Variants in CCDC102B observed in about 807,000 individuals in gnomAD.
CCDC102B encodes coiled-coil domain containing 102B, also known as coiled-coil domain-containing protein 102B.
In CCDC102B, 75 loss-of-function variants were observed where a neutral mutation model predicts 57.4. That is an observed-to-expected ratio of 1.31 (90% CI 1.08 to 1.58). The LOEUF (loss-of-function observed/expected upper bound fraction) is 1.58, where lower values mean the gene tolerates loss of function less well. Among genes scored for constraint, CCDC102B ranks in the 40% most tolerant of loss-of-function variants. CCDC102B has a pLI of 0.00. For missense variants in CCDC102B, 636 were observed against 582.6 expected (o/e 1.09, Z -0.94); for synonymous variants, 206 against 201.9 (o/e 1.02, Z -0.17).
intron 1 of CCDC102B, among the ~76,000 whole-genome samples, chr18:68,830,626 A>G (rs1321442078): frequency 2.0e-5 from 3 of 151,216 alleles, no homozygotes; most frequent in African/African-American, 7.3e-5. Flanking sequence ...TATATATAAT[A>G]TTGTATATTA....
Position 68,836,651 on chromosome 18 carries a change from A to C in CCDC102B, c.-15-98A>C. On this transcript the variant is annotated intron_variant, in intron 1 of 7. Coordinates refer to ENST00000360242, the MANE Select transcript of CCDC102B (RefSeq NM_024781.3). ...AAAATAAAAAAAAAGCATTGTTTTC[A>C]TCAATTTTCAAAAAAAAAAAAAAAA... The C allele has an allele frequency of 3.9e-6, 3 of 765,660 alleles. 1 individual carries two copies. The highest frequency in any genetic ancestry group is 4.0e-4 in the Middle Eastern group (1 of 2,528). 47.4% of individuals were successfully genotyped at this position (765,660 alleles called of 1,614,324 possible). A position where few individuals can be genotyped will look rare whatever the true frequency, so the allele number is the denominator to read the frequency against.
intron 6 of CCDC102B, among the ~76,000 whole-genome samples, chr18:68,938,879 TA>T (rs1304458532): frequency 2.6e-5 from 4 of 151,668 alleles, no homozygotes; most frequent in Admixed American, 1.3e-4. Context: ...GTTTATTTAG[TA>T]AAAGGTTAGG....
intron 1 of CCDC102B, chr18:68,716,400 C>T (rs1410548381): frequency 1.3e-5 from 2 of 152,036 alleles, no homozygotes; most frequent in African/African-American, 2.4e-5. Context: ...ATGTGGACAA[C>T]AACAAAAGCC....
At chr18:68,734,899 T>C (rs979408399) in intron 2 of CCDC102B, 15 of 152,220 alleles carry the variant, frequency 9.9e-5, no homozygotes, top group Non-Finnish European at 1.3e-4. Context: ...CAAAATACTT[T>C]AGGGTTTCAT....
chr18:68,853,927 A>G (rs1393766064), intron 4 of CCDC102B, among the ~76,000 whole-genome samples: 3 of 152,142 alleles, frequency 2.0e-5, no homozygotes, highest in Non-Finnish European at 4.4e-5. Context: ...AGAACTAGAC[A>G]AGAGATGTGC....
chr18:68,780,129 C>A (rs1178375137), intron 2 of CCDC102B, among the ~76,000 whole-genome samples: 1 of 151,970 alleles, frequency 6.6e-6, no homozygotes, highest in East Asian at 1.9e-4. Context: ...TTGTTTTTTT[C>A]ACTGACTTCT....
At chr18:69,011,563 T>C (rs1323672769) in intron 7 of CCDC102B, among the ~76,000 whole-genome samples, 1 of 152,156 alleles carries the variant, frequency 6.6e-6, no homozygotes, top group Non-Finnish European at 1.5e-5. Flanking sequence ...AATAATGGTT[T>C]ATAGAATATT....
At chr18:68,778,749 A>G (rs2034905457) in intron 2 of CCDC102B, among the ~76,000 whole-genome samples, 1 of 152,066 alleles carries the variant, frequency 6.6e-6, no homozygotes, top group Non-Finnish European at 1.5e-5. Context: ...GGGGATAAAA[A>G]GGTGAACAGG....
Position 68,846,358 on chromosome 18 carries a change from T to C in CCDC102B, c.873T>C (p.Ala291=). The part of the protein sequence containing the change: ...LEKEIERLES[A]LSLWKWKYEE... ...AAGAAATAGAGAGACTGGAGTCGGC[T>C]TTGTCTCTGTGGAAGTGGAAGTATG... The change falls in exon 4 of 8, where the codon GCT becomes GCC. Residue 291 remains alanine, a synonymous_variant. Transcript: ENST00000360242. The C allele has an allele frequency of 6.3e-7, 1 of 1,585,710 alleles. No individual in the cohort carries two copies. The highest frequency in any genetic ancestry group is 8.6e-7 in the Non-Finnish European group (1 of 1,168,038).
Position 68,874,800 on chromosome 18 carries a change from A to G in CCDC102B, c.1053+15A>G. 3 of 1,396,386 alleles carry G rather than the reference A, an allele frequency of 2.1e-6. No homozygotes were observed. Among genetic ancestry groups the G allele is most frequent in the African/African-American group, 2.8e-5 (2 of 70,362 alleles). The allele number at this position is 1,396,386 out of a possible 1,614,324, so 86.5% of individuals were successfully genotyped here. On this transcript the variant is annotated intron_variant, in intron 5 of 7. Coordinates refer to ENST00000360242, the MANE Select transcript of CCDC102B (RefSeq NM_024781.3). ...TAAGAGCAGAGGTAAGACACTGGGT[A>G]AAGAGTACCATATATATTAAAACAT...
At chr18:68,801,293 C>G (rs1263840835) in intron 1 of CCDC102B, among the ~76,000 whole-genome samples, 1 of 152,044 alleles carries the variant, frequency 6.6e-6, no homozygotes, top group Non-Finnish European at 1.5e-5. Flanking sequence ...TGTAGATGCT[C>G]AATGGAGATT....
At chr18:68,834,932 G>T (rs1339461266) in intron 1 of CCDC102B, among the ~76,000 whole-genome samples, 1 of 151,524 alleles carries the variant, frequency 6.6e-6, no homozygotes, top group Admixed American at 6.6e-5. Context: ...TATAAAAGCA[G>T]ATGAAAAAAA....
At chr18:68,901,987 A>AT (rs1429574606) in intron 6 of CCDC102B, among the ~76,000 whole-genome samples, 6 of 152,140 alleles carry the variant, frequency 3.9e-5, no homozygotes, top group Non-Finnish European at 8.8e-5. Context: ...AAGGTCTGAG[A>AT]TTCTGCACTT....
chr18:68,895,276 T>C (rs1942298), intron 5 of CCDC102B, among the ~76,000 whole-genome samples: 138,422 of 151,660 alleles, frequency 0.91, 63,234 homozygotes, highest in East Asian at 0.99. Flanking sequence ...GTGCCAAGAA[T>C]GTAATTTTGG....
At chr18:68,796,127 C>T (rs770035977), upstream of CCDC102B, among the ~76,000 whole-genome samples, 1 of 152,046 alleles carries the variant, frequency 6.6e-6, no homozygotes, top group Non-Finnish European at 1.5e-5. Context: ...AAAGATGGAG[C>T]AGAAGAAAGC....
At chr18:68,759,309 A>AAACAC (rs2034172471) in intron 2 of CCDC102B, among the ~76,000 whole-genome samples, 1 of 152,138 alleles carries the variant, frequency 6.6e-6, no homozygotes, top group Non-Finnish European at 1.5e-5. Flanking sequence ...ATAATCAAGA[A>AAACAC]AATTTTATAG....
At chr18:68,970,234 A>G (rs2050266768) in intron 6 of CCDC102B, among the ~76,000 whole-genome samples, 3 of 151,988 alleles carry the variant, frequency 2.0e-5, no homozygotes, top group South Asian at 2.1e-4. Context: ...TTATCTTTCA[A>G]TTTTTTTAGA....
In CCDC102B at chr18:69,054,351, A is replaced by T; in HGVS notation, c.*214A>T. 1 of 1,202,206 alleles carries T rather than the reference A, an allele frequency of 8.3e-7. No individual in the cohort carries two copies. Among genetic ancestry groups the T allele is most frequent in the East Asian group, 3.9e-5 (1 of 25,644 alleles). The allele number at this position is 1,202,206 out of a possible 1,614,324, so 74.5% of individuals were successfully genotyped here. ...AAGACAATTTAAATGTCATTTAAAA[A>T]CAACTTTAATTCTAAGATGTGTAAA... On this transcript the variant is annotated 3_prime_UTR_variant, in exon 8 of 8. Coordinates refer to ENST00000360242, the MANE Select transcript of CCDC102B (RefSeq NM_024781.3).
intron 6 of CCDC102B, among the ~76,000 whole-genome samples, chr18:68,930,237 A>G (rs2041622670): frequency 6.7e-6 from 1 of 148,458 alleles, no homozygotes; most frequent in Admixed American, 6.8e-5. Flanking sequence ...TATATATTAT[A>G]CATAATATAT....
Sources: gnomAD v4.1 joint callset for allele counts (sites outside exome capture counted in the v4.1 genomes callset) on GRCh38, gnomAD v4.1.1 for gene constraint, MANE v1.5 for transcripts, NCBI Gene and HGNC (gene_info 2026-07-23, HGNC 2026-07-21) for gene names.